Variants in SLIT2 observed in about 807,000 individuals in gnomAD.
SLIT2 encodes slit homolog 2 protein.
SLIT2 carries 41 observed loss-of-function variants against 185.7 expected under a neutral mutation model. The ratio of observed to expected loss-of-function variants is 0.22; its 90% confidence interval spans 0.17 to 0.29. The LOEUF is 0.29. SLIT2 is among the 10% of genes least tolerant of loss of function. SLIT2 has a pLI of 1.00. For synonymous variants in SLIT2, 693 were observed against 680.2 expected (o/e 1.02, Z -0.29); for missense variants, 1,571 against 1,909.0 (o/e 0.82, Z 3.30).
intron 5 of SLIT2, among the ~76,000 whole-genome samples, chr4:20,479,689 G>A (rs1372233888): frequency 6.6e-6 from 1 of 151,476 alleles, no homozygotes; most frequent in Non-Finnish European, 1.5e-5. Context: ...TTTCAACCAA[G>A]TAGAAGGCTC....
chr4:20,401,125 A>G (rs937221523), intron 4 of SLIT2, among the ~76,000 whole-genome samples: 1 of 151,830 alleles, frequency 6.6e-6, no homozygotes, highest in Non-Finnish European at 1.5e-5. Context: ...TCATCTTCTG[A>G]CTAAGGATAG....
At position 20,370,625 on chromosome 4, in the gene SLIT2, C is replaced by T. The variant is rs535530376; in HGVS notation, c.396-97127C>T. On this transcript the variant is annotated intron_variant, in intron 4 of 36. Transcript: ENST00000504154. Reference sequence around the variant, plus strand: ...CTTGGCAGGTGTGAAAGGAAATTTACTGATTCCTTATCTTTCTCCTCAAAT... The same window carrying T: ...CTTGGCAGGTGTGAAAGGAAATTTATTGATTCCTTATCTTTCTCCTCAAAT... Among the ~76,000 whole-genome samples, 87 of 152,226 alleles carry T rather than the reference C, an allele frequency of 5.7e-4. No individual in the cohort carries two copies. The South Asian group carries it at 0.014, about 25-fold the overall frequency.
chr4:20,548,847 C>T (rs1723484528), intron 23 of SLIT2, among the ~76,000 whole-genome samples: 1 of 151,940 alleles, frequency 6.6e-6, no homozygotes, highest in Admixed American at 6.6e-5. Context: ...CAAAGTTGGG[C>T]AGGAGTAGGC....
Position 20,388,862 on chromosome 4 carries a change from AAATAT to A in SLIT2, c.396-78883_396-78879del, listed in dbSNP as rs532574253. The stretch of plus-strand genomic sequence containing the variant: ...ATATATAAAATATGTATTATATATA[AAATAT>A]AATATATAATATATATAAAACATAA... On this transcript the variant is annotated intron_variant, in intron 4 of 36. Transcript: ENST00000504154. Among the ~76,000 whole-genome samples the A allele has an allele frequency of 5.3e-3, 766 of 144,554 alleles. 10 individuals are homozygous for A. Among genetic ancestry groups the A allele is most frequent in the African/African-American group, 0.017 (685 of 40,250 alleles). 94.8% of individuals were successfully genotyped at this position (144,554 alleles called of 152,430 possible).
intron 9 of SLIT2, among the ~76,000 whole-genome samples, chr4:20,493,254 G>T (rs1717942810): frequency 6.6e-6 from 1 of 152,138 alleles, no homozygotes; most frequent in African/African-American, 2.4e-5. Flanking sequence ...ATGCCCTAAA[G>T]AATACATCTC....
At chr4:20,327,652 C>G (rs1382397163) in intron 4 of SLIT2, among the ~76,000 whole-genome samples, 2 of 151,848 alleles carry the variant, frequency 1.3e-5, no homozygotes, top group East Asian at 3.9e-4. Flanking sequence ...AGAATTATTT[C>G]TTATGTGAAG....
intron 3 of SLIT2, among the ~76,000 whole-genome samples, chr4:20,261,758 A>G (rs1399830412): frequency 6.6e-6 from 1 of 151,896 alleles, no homozygotes; most frequent in Non-Finnish European, 1.5e-5. Context: ...GTTGGTAAGA[A>G]TCAGTAGCAT....
chr4:20,391,889 T>C (rs934713057), intron 4 of SLIT2, among the ~76,000 whole-genome samples: 1 of 152,100 alleles, frequency 6.6e-6, no homozygotes, highest in African/African-American at 2.4e-5. Flanking sequence ...AGTACTAGTG[T>C]GCCATCTTCT....
intron 34 of SLIT2, chr4:20,615,279 C>T (rs1729564999): frequency 6.6e-6 from 1 of 152,104 alleles, no homozygotes. Context: ...AGAAAGCAAC[C>T]CACAGCGAGA....
chr4:20,426,230 A>C (rs58281777), intron 4 of SLIT2, among the ~76,000 whole-genome samples: 15,507 of 152,214 alleles, frequency 0.1, 801 homozygotes, highest in African/African-American at 0.13. Context: ...GAAGGAAAGG[A>C]TATCACCAGG....
intron 4 of SLIT2, among the ~76,000 whole-genome samples, chr4:20,379,986 G>A (rs1295533502): frequency 2.0e-5 from 3 of 152,104 alleles, no homozygotes; most frequent in African/African-American, 7.2e-5. Context: ...ACACTGCAGA[G>A]GGGTTCAGTC....
intron 4 of SLIT2, among the ~76,000 whole-genome samples, chr4:20,466,082 C>G (rs1453270553): frequency 6.6e-6 from 1 of 151,840 alleles, no homozygotes; most frequent in Admixed American, 6.6e-5. Flanking sequence ...TAAACAGATT[C>G]AAATTTTCTT....
intron 33 of SLIT2, among the ~76,000 whole-genome samples, chr4:20,601,896 A>C (rs867155101): frequency 1.3e-5 from 2 of 152,200 alleles, no homozygotes; most frequent in African/African-American, 2.4e-5. Flanking sequence ...TTGTTTTCCA[A>C]ATTTTGCATT....
intron 33 of SLIT2, among the ~76,000 whole-genome samples, chr4:20,604,230 A>G (rs915401971): frequency 1.3e-4 from 20 of 152,334 alleles, no homozygotes; most frequent in African/African-American, 4.8e-4. Context: ...AAGTTTAGAG[A>G]AGCCTTTCTA....
intron 4 of SLIT2, among the ~76,000 whole-genome samples, chr4:20,378,809 A>G (rs570959931): frequency 2.0e-5 from 3 of 152,286 alleles, no homozygotes; most frequent in Admixed American, 1.3e-4. Flanking sequence ...AGCTTTATGC[A>G]TAATTGCCAA....
In SLIT2 at chr4:20,251,946, T is replaced by TTGGCGGCGGCGG. The variant is rs1202607177; in HGVS notation, c.-1866_-1855dup. Among the ~76,000 whole-genome samples, 2 of 151,944 alleles carry TTGGCGGCGGCGG rather than the reference T, an allele frequency of 1.3e-5. No individual in the cohort carries two copies. The highest frequency in any genetic ancestry group is 4.8e-5 in the African/African-American group (2 of 41,382). Reference sequence around the variant, plus strand: ...TTGGGAAGCGCCCGGACGGCGGAGCTTGGCGGCGGCGGTGGTGGTGGCTGC... The same window carrying TTGGCGGCGGCGG: ...TTGGGAAGCGCCCGGACGGCGGAGCTTGGCGGCGGCGGTGGCGGCGGCGGTGGTGGTGGCTGC... On this transcript the variant is annotated 5_prime_UTR_variant, in exon 1 of 37. Coordinates refer to ENST00000504154, the MANE Select transcript of SLIT2 (RefSeq NM_004787.4).
chr4:20,495,054 T>C (rs1157637853), intron 9 of SLIT2, among the ~76,000 whole-genome samples: 2 of 152,158 alleles, frequency 1.3e-5, no homozygotes, highest in South Asian at 4.1e-4. Flanking sequence ...AGCTGGGGTC[T>C]GAGAGAAGGT....
At chr4:20,518,267 TTTTG>T in intron 11 of SLIT2, among the ~76,000 whole-genome samples, 1 of 139,316 alleles carries the variant, frequency 7.2e-6, no homozygotes, top group Non-Finnish European at 1.5e-5. Context: ...TTTTTTTTTT[TTTTG>T]AGACAGAGTC....
At chr4:20,260,777 G>T (rs184977921) in intron 3 of SLIT2, among the ~76,000 whole-genome samples, 1 of 151,850 alleles carries the variant, frequency 6.6e-6, no homozygotes, top group South Asian at 2.1e-4. Context: ...AGCTATAAAA[G>T]ATAGTTTTCC....
Sources: gnomAD v4.1 joint callset for allele counts (sites outside exome capture counted in the v4.1 genomes callset) on GRCh38, gnomAD v4.1.1 for gene constraint, MANE v1.5 for transcripts, NCBI Gene and HGNC (gene_info 2026-07-23, HGNC 2026-07-21) for gene names.